ARHGAP8: variants seen among roughly 807,000 people sequenced by gnomAD.
ARHGAP8 encodes the protein Rho GTPase activating protein 8.
In ARHGAP8, 62 loss-of-function variants were observed where a neutral mutation model predicts 46.1. The observed-to-expected ratio is 1.34, with a 90% CI of 1.10 to 1.66. ARHGAP8 has a LOEUF of 1.66. Ranked by LOEUF, ARHGAP8 falls within the 40% of genes most tolerant of loss-of-function variation. The pLI is 0.00. For missense variants in ARHGAP8, 923 were observed against 568.4 expected (o/e 1.62, Z -6.34); for synonymous variants, 375 against 243.1 (o/e 1.54, Z -5.05).
chr22:44,825,383 C>T, intron 6 of ARHGAP8, 100 bp from the exon 7 acceptor site: 3 of 1,296,094 alleles, frequency 2.3e-6, no homozygotes, highest in Non-Finnish European at 2.1e-6. Context: ...GGATGAGATG[C>T]CCAGGTGTCC....
At chr22:44,776,077 A>G (rs1024738829) in intron 1 of ARHGAP8, among the ~76,000 whole-genome samples, 26 of 152,186 alleles carry the variant, frequency 1.7e-4, no homozygotes, top group African/African-American at 6.3e-4. Flanking sequence ...GCTGTAGTCT[A>G]AAACTTCACG....
chr22:44,791,830 G>C (rs1244861508), intron 2 of ARHGAP8, among the ~76,000 whole-genome samples: 1 of 152,172 alleles, frequency 6.6e-6, no homozygotes, highest in Non-Finnish European at 1.5e-5. Context: ...GGAACAACAA[G>C]GATGGAGGTG....
intron 2 of ARHGAP8, among the ~76,000 whole-genome samples, chr22:44,790,549 A>G (rs778309895): frequency 2.2e-4 from 34 of 151,602 alleles, no homozygotes; most frequent in East Asian, 7.9e-4. Flanking sequence ...GGTGGCACAT[A>G]TCTGTAATCC....
intron 2 of ARHGAP8, among the ~76,000 whole-genome samples, chr22:44,797,352 A>T (rs1456810716): frequency 4.7e-5 from 7 of 150,094 alleles, no homozygotes; most frequent in African/African-American, 9.8e-5. Context: ...TTCCTCTGTT[A>T]TTCCACAGGA....
intron 1 of ARHGAP8, among the ~76,000 whole-genome samples, chr22:44,782,217 G>A (rs530265276): frequency 5.3e-5 from 8 of 152,230 alleles, no homozygotes; most frequent in Admixed American, 2.6e-4. Flanking sequence ...CATGCCTGTA[G>A]TCCCAGGTAC....
At chr22:44,844,921 A>G (rs2069915941) in intron 7 of ARHGAP8, among the ~76,000 whole-genome samples, 1 of 152,178 alleles carries the variant, frequency 6.6e-6, no homozygotes, top group African/African-American at 2.4e-5. Flanking sequence ...ACTTCCCAGT[A>G]TGGCTTCCCT....
At chr22:44,774,169 T>C (rs1055978659) in intron 1 of ARHGAP8, among the ~76,000 whole-genome samples, 2 of 152,192 alleles carry the variant, frequency 1.3e-5, no homozygotes, top group Admixed American at 1.3e-4. Flanking sequence ...TAACTCCAAG[T>C]CTTATGCCTT....
intron 7 of ARHGAP8, among the ~76,000 whole-genome samples, chr22:44,830,647 CTG>C (rs1457526101): frequency 6.6e-6 from 1 of 152,162 alleles, no homozygotes; most frequent in Non-Finnish European, 1.5e-5. Context: ...AGCGATTCTC[CTG>C]TCTCACCCTC....
intron 10 of ARHGAP8, among the ~76,000 whole-genome samples, chr22:44,856,037 T>G (rs1158285389): frequency 6.6e-6 from 1 of 152,052 alleles, no homozygotes; most frequent in East Asian, 1.9e-4. Flanking sequence ...TGCCACACAC[T>G]TAACCAGATC....
intron 1 of ARHGAP8, among the ~76,000 whole-genome samples, chr22:44,767,555 C>T (rs1480607671): frequency 6.6e-6 from 1 of 151,936 alleles, no homozygotes; most frequent in Non-Finnish European, 1.5e-5. Flanking sequence ...GGTTGCAGCA[C>T]TCTTTTATAA....
At chr22:44,835,494 G>A (rs549478220) in intron 7 of ARHGAP8, among the ~76,000 whole-genome samples, 9 of 152,178 alleles carry the variant, frequency 5.9e-5, no homozygotes, top group East Asian at 3.9e-4. Flanking sequence ...GGTTGCAGGC[G>A]CCTATAGGCC....
intron 1 of ARHGAP8, among the ~76,000 whole-genome samples, chr22:44,754,391 T>C (rs981891741): frequency 2.0e-5 from 3 of 148,524 alleles, no homozygotes; most frequent in African/African-American, 7.5e-5. Flanking sequence ...TTTTCGCTCT[T>C]GTCGCCCAGG....
chr22:44,772,540 T>C (rs1468217121), intron 1 of ARHGAP8, among the ~76,000 whole-genome samples: 1 of 151,736 alleles, frequency 6.6e-6, no homozygotes, highest in Non-Finnish European at 1.5e-5. Flanking sequence ...CCCTTGTTGG[T>C]CATGATAGGT....
chr22:44,802,806 C>G (rs1021521962), intron 3 of ARHGAP8, among the ~76,000 whole-genome samples: 2 of 152,274 alleles, frequency 1.3e-5, no homozygotes, highest in African/African-American at 2.4e-5. Flanking sequence ...GCCTTTTTGC[C>G]TCTGTGTCTT....
rs139294780 is a variant in ARHGAP8, at chr22:44,796,658, G to A, written c.80-5419G>A. 3.5e-3 allele frequency among the ~76,000 whole-genome samples: 530 copies of A among 152,210 alleles called. 5 individuals are homozygous for A. Among genetic ancestry groups the A allele is most frequent in the African/African-American group, 0.012 (506 of 41,528 alleles). ...GATGCTATGATGATGGGCCCAAAGG[G>A]GAGGCCTCTTAACTCCACGGGAGAA... On this transcript the variant is annotated intron_variant, in intron 2 of 11. Transcript: ENST00000356099.
chr22:44,825,046 T>C (rs541533081), intron 6 of ARHGAP8, among the ~76,000 whole-genome samples: 3 of 151,586 alleles, frequency 2.0e-5, no homozygotes, highest in South Asian at 2.1e-4. Flanking sequence ...AATATTTTAA[T>C]TGAGCATCTA....
chr22:44,775,285 A>G (rs953928742), intron 1 of ARHGAP8, among the ~76,000 whole-genome samples: 1 of 152,226 alleles, frequency 6.6e-6, no homozygotes, highest in Non-Finnish European at 1.5e-5. Context: ...ATGGGTCAGC[A>G]GAGATGGCGA....
intron 2 of ARHGAP8, among the ~76,000 whole-genome samples, chr22:44,787,659 T>C (rs1224980590): frequency 6.6e-6 from 1 of 152,166 alleles, no homozygotes; most frequent in Non-Finnish European, 1.5e-5. Flanking sequence ...ATTGCTTTAA[T>C]TTAGGTCTGA....
At chr22:44,772,864 G>A (rs997632147) in intron 1 of ARHGAP8, among the ~76,000 whole-genome samples, 12 of 130,056 alleles carry the variant, frequency 9.2e-5, no homozygotes, top group Admixed American at 9.7e-5. Flanking sequence ...CAGGTCTCCC[G>A]TGATTGTGCC....
Sources: gnomAD v4.1 joint callset for allele counts (sites outside exome capture counted in the v4.1 genomes callset) on GRCh38, gnomAD v4.1.1 for gene constraint, MANE v1.5 for transcripts, NCBI Gene and HGNC (gene_info 2026-07-23, HGNC 2026-07-21) for gene names.